Variants in TTLL7 observed in about 807,000 individuals in gnomAD.
TTLL7 encodes the protein tubulin polyglutamylase TTLL7.
Under a neutral mutation model 120.2 loss-of-function variants are expected in TTLL7, and 53 were observed. The observed-to-expected ratio is 0.44, with a 90% CI of 0.35 to 0.55. The LOEUF is 0.55. Among genes scored for constraint, TTLL7 ranks in the 20% least tolerant of loss-of-function variants. TTLL7 has a pLI of 0.00. For synonymous variants in TTLL7, 353 were observed against 351.7 expected, an observed-to-expected ratio of 1.00 and a Z score of -0.04; for missense variants, 803 against 1,054.7, an observed-to-expected ratio of 0.76 and a Z score of 3.31.
chr1:83,888,960 G>T (rs967964084), intron 19 of TTLL7, among the ~76,000 whole-genome samples: 1 of 151,248 alleles, frequency 6.6e-6, no homozygotes, highest in African/African-American at 2.4e-5. Flanking sequence ...ACCAAAAAAA[G>T]GCTCTCTTTG....
intron 17 of TTLL7, among the ~76,000 whole-genome samples, chr1:83,904,445 G>A (rs1191093459): frequency 1.3e-5 from 2 of 152,016 alleles, no homozygotes; most frequent in Non-Finnish European, 2.9e-5. Context: ...GACCAGCCTG[G>A]CCAATATGGC....
At chr1:83,886,849 C>T (rs532504632) in intron 19 of TTLL7, among the ~76,000 whole-genome samples, 76 of 152,136 alleles carry the variant, frequency 5.0e-4, no homozygotes, top group Non-Finnish European at 9.7e-4. Context: ...CTCCAGCTCT[C>T]AGGCCTAAGT....
intron 19 of TTLL7, among the ~76,000 whole-genome samples, 182 bp from the exon 20 acceptor site, chr1:83,883,318 A>T (rs1170995086): frequency 6.6e-6 from 1 of 152,090 alleles, no homozygotes; most frequent in Non-Finnish European, 1.5e-5. Context: ...TTTATATTAA[A>T]GAAATACAAC....
At chr1:83,963,721 G>GATCTCCAATCTC (rs1650210060) in intron 1 of TTLL7, among the ~76,000 whole-genome samples, 2 of 152,030 alleles carry the variant, frequency 1.3e-5, no homozygotes, top group Non-Finnish European at 2.9e-5. Context: ...CACACAGCCT[G>GATCTCCAATCTC]GAACACATGA....
At chr1:83,988,147 G>C (rs957268022) in intron 1 of TTLL7, among the ~76,000 whole-genome samples, 2 of 152,172 alleles carry the variant, frequency 1.3e-5, no homozygotes, top group African/African-American at 4.8e-5. Context: ...TTGGTTACCT[G>C]TTCCTGCGTT....
intron 1 of TTLL7, among the ~76,000 whole-genome samples, chr1:83,973,332 G>C (rs931613706): frequency 2.0e-5 from 3 of 152,022 alleles, no homozygotes; most frequent in Non-Finnish European, 4.4e-5. Context: ...AGATATGTTT[G>C]CTCCATTGTA....
At chr1:83,969,347 C>A (rs1225045540) in intron 1 of TTLL7, among the ~76,000 whole-genome samples, 1 of 151,860 alleles carries the variant, frequency 6.6e-6, no homozygotes, top group Non-Finnish European at 1.5e-5. Context: ...ATGTTATTTA[C>A]AACTAATATC....
chr1:83,929,698 A>G (rs2100814673), intron 9 of TTLL7, among the ~76,000 whole-genome samples: 1 of 152,298 alleles, frequency 6.6e-6, no homozygotes, highest in Middle Eastern at 3.4e-3. Flanking sequence ...TCACTGCCTC[A>G]GATCTTCAGG....
At chr1:83,921,210 A>G (rs1454847154) in intron 11 of TTLL7, 37 bp downstream of exon 11, 5 of 1,609,442 alleles carry the variant, frequency 3.1e-6, no homozygotes, top group East Asian at 4.5e-5. Flanking sequence ...TGAATTATGC[A>G]ATTTAAATTG....
intron 18 of TTLL7, chr1:83,901,948 C>T (rs1471147396): frequency 1.3e-5 from 2 of 152,012 alleles, no homozygotes; most frequent in East Asian, 3.9e-4. Context: ...AGTTGATGGG[C>T]CCTTCATGGT....
Position 83,870,008 on chromosome 1 carries a change from A to G in TTLL7, c.2618T>C (p.Met873Thr). The change falls in exon 21 of 21, where the codon ATG becomes ACG. Residue 873 changes from methionine to threonine, a missense_variant. Met to Thr is a moderately conservative substitution (Grantham distance 81). This residue lies in a region of TTLL7 where 388 missense variants were observed against 450.4 expected (regional missense o/e 0.86). Transcript: ENST00000260505. Reference sequence around the variant, plus strand: ...TGTAAACAAAACATTGGAGCGAGTCATTCCAGGTGAATTGTACTTCAAGTT... The same window carrying G: ...TGTAAACAAAACATTGGAGCGAGTCGTTCCAGGTGAATTGTACTTCAAGTT... ...TYNLKYNSPG[M>T]TRSNVLFTSR... 6.3e-7 allele frequency: 1 copy of G among 1,590,918 alleles called. No homozygotes were observed. Among genetic ancestry groups the G allele is most frequent in the Non-Finnish European group, 8.5e-7 (1 of 1,171,668 alleles).
At chr1:83,919,430 T>C (rs1658460710) in intron 13 of TTLL7, among the ~76,000 whole-genome samples, 1 of 152,150 alleles carries the variant, frequency 6.6e-6, no homozygotes, top group Non-Finnish European at 1.5e-5. Flanking sequence ...CAGTTACATA[T>C]ACACATCTAT....
At chr1:83,916,042 G>T (rs1434606030) in intron 14 of TTLL7, among the ~76,000 whole-genome samples, 2 of 152,122 alleles carry the variant, frequency 1.3e-5, no homozygotes, top group Non-Finnish European at 2.9e-5. Flanking sequence ...CACTGTTGGT[G>T]GGACTGTAAA....
chr1:83,910,948 T>C (rs956379808), intron 15 of TTLL7, among the ~76,000 whole-genome samples: 6 of 151,978 alleles, frequency 3.9e-5, no homozygotes, highest in Non-Finnish European at 7.4e-5. Flanking sequence ...AAATATAGAA[T>C]AGATCCTTAA....
rs538206931 is a variant in TTLL7 at position 83,932,419 on chromosome 1, G to A, written c.1047+1189C>T. Among the ~76,000 whole-genome samples the A allele has an allele frequency of 3.0e-3, 461 of 152,254 alleles. 2 individuals carry two copies. The highest frequency in any genetic ancestry group is 0.01 in the African/African-American group (427 of 41,546). Reference sequence around the variant, plus strand: ...TTTTCATATCCAAGGAACGGAGGAAGCAAAGGATAAGTAAAACTTCCTCAC... The same window carrying A: ...TTTTCATATCCAAGGAACGGAGGAAACAAAGGATAAGTAAAACTTCCTCAC... On this transcript the variant is annotated intron_variant, in intron 9 of 20. Transcript: ENST00000260505.
chr1:83,947,501 C>T (rs1365514319), intron 5 of TTLL7: 5 of 454,224 alleles, frequency 1.1e-5, no homozygotes, highest in Non-Finnish European at 1.9e-5. Flanking sequence ...AAAAAACAAC[C>T]TTGCCCTAAT....
chr1:83,958,788 A>G (rs1649759225), intron 1 of TTLL7, among the ~76,000 whole-genome samples: 1 of 152,184 alleles, frequency 6.6e-6, no homozygotes, highest in Non-Finnish European at 1.5e-5. Flanking sequence ...TGTCAGTTCT[A>G]CATTAGTGTT....
chr1:83,911,134 A>G (rs924292999), intron 15 of TTLL7, 31 bp downstream of exon 15: 2 of 1,547,356 alleles, frequency 1.3e-6, no homozygotes, highest in African/African-American at 1.4e-5. Flanking sequence ...AATTCTTTAT[A>G]TAACATCTAA....
At chr1:83,998,157 T>G (rs1226270718) in intron 1 of TTLL7, among the ~76,000 whole-genome samples, 1 of 152,194 alleles carries the variant, frequency 6.6e-6, no homozygotes, top group African/African-American at 2.4e-5. Flanking sequence ...AAAACCTATA[T>G]TCGAATTCCT....
Sources: allele counts gnomAD v4.1 joint callset (sites outside exome capture counted in the v4.1 genomes callset), GRCh38; gene constraint gnomAD v4.1.1; regional missense constraint gnomAD v4.1.1; transcripts MANE v1.5; gene names NCBI Gene and HGNC (gene_info 2026-07-23, HGNC 2026-07-21).